Variants in CMC1 observed in about 807,000 individuals in gnomAD.
CMC1 encodes C-X9-C motif containing 1.
In CMC1, 14 loss-of-function variants were observed where a neutral mutation model predicts 14.1. That is an observed-to-expected ratio of 0.99 (90% CI 0.66 to 1.55). The LOEUF (loss-of-function observed/expected upper bound fraction) is 1.55. Among genes scored for constraint, CMC1 ranks in the 40% most tolerant of loss-of-function variants. The pLI is 0.00. For missense variants in CMC1, 127 were observed against 123.8 expected (o/e 1.03, Z -0.12); for synonymous variants, 50 against 38.4 (o/e 1.30, Z -1.12).
At chr3:28,260,338 CCTT>C (rs1699670263) in intron 1 of CMC1, among the ~76,000 whole-genome samples, 1 of 151,668 alleles carries the variant, frequency 6.6e-6, no homozygotes, top group Non-Finnish European at 1.5e-5. Context: ...GGTATCTGTG[CCTT>C]CTTGAGTGAG....
chr3:28,244,302 A>G (rs1698692206), intron 1 of CMC1, among the ~76,000 whole-genome samples: 1 of 152,232 alleles, frequency 6.6e-6, no homozygotes, highest in African/African-American at 2.4e-5. Flanking sequence ...GTTAAGGGAT[A>G]GGAGCAGTAG....
chr3:28,256,694 A>T (rs1559402937), intron 1 of CMC1, among the ~76,000 whole-genome samples: 1 of 152,236 alleles, frequency 6.6e-6, no homozygotes, highest in Non-Finnish European at 1.5e-5. Flanking sequence ...CAATGCAAAG[A>T]TAAGGGAGGA....
rs908523977 is a variant in CMC1, at chr3:28,323,149, T to G, written c.*3520T>G. 6.6e-6 allele frequency: 1 copy of G among 150,894 alleles called. No homozygotes were observed. Among genetic ancestry groups the G allele is most frequent in the Non-Finnish European group, 1.5e-5 (1 of 67,292 alleles). The allele number at this position is 150,894 out of a possible 1,614,324, so 9.3% of individuals were successfully genotyped here. On this transcript the variant is annotated 3_prime_UTR_variant, in exon 4 of 4. Transcript: ENST00000466830. ...ACATTTCAACACAAAGTCTAACAATTTAGAAGCTGCTCTACACAATGTGCA... is the reference window on the plus strand; with the variant it reads ...ACATTTCAACACAAAGTCTAACAATGTAGAAGCTGCTCTACACAATGTGCA...
At chr3:28,283,240 G>A (rs1041389603) in intron 2 of CMC1, among the ~76,000 whole-genome samples, 30 of 152,112 alleles carry the variant, frequency 2.0e-4, no homozygotes, top group Admixed American at 1.5e-3. Context: ...TTGGCCAGGT[G>A]TGGTGGCTCA....
At chr3:28,292,506 A>C (rs1025001201) in intron 2 of CMC1, among the ~76,000 whole-genome samples, 1 of 152,142 alleles carries the variant, frequency 6.6e-6, no homozygotes, top group African/African-American at 2.4e-5. Context: ...CTTATGATCA[A>C]GCCTAAGCTC....
At chr3:28,310,730 AAT>A (rs1702594674) in intron 2 of CMC1, among the ~76,000 whole-genome samples, 1 of 152,232 alleles carries the variant, frequency 6.6e-6, no homozygotes, top group Non-Finnish European at 1.5e-5. Context: ...CCACTGTTTC[AAT>A]ATATGTCTTG....
intron 2 of CMC1, among the ~76,000 whole-genome samples, chr3:28,312,210 A>G (rs180717729): frequency 3.0e-4 from 46 of 152,316 alleles, no homozygotes; most frequent in Admixed American, 2.6e-3. Flanking sequence ...GAAAATAGGC[A>G]TTTTTTGATG....
At chr3:28,257,196 T>C (rs1699457933) in intron 1 of CMC1, among the ~76,000 whole-genome samples, 1 of 152,230 alleles carries the variant, frequency 6.6e-6, no homozygotes, top group South Asian at 2.1e-4. Context: ...AATTTACAGA[T>C]CTTAAATGAG....
chr3:28,246,607 A>G lies in CMC1; in HGVS notation c.19+4795A>G, dbSNP rs536559262. On this transcript the variant is annotated intron_variant, in intron 1 of 3. Transcript: ENST00000466830. ...CATACATGATGTGTCTTTCCAGAGT[A>G]TCCCATCTGGAGGTACATGGGTATC... is the stretch of plus-strand genomic sequence containing the variant. Among the ~76,000 whole-genome samples the G allele has an allele frequency of 4.6e-5, 7 of 152,248 alleles. No individual in the cohort carries two copies. In the South Asian group the frequency reaches 1.5e-3, roughly 32 times the overall value.
At chr3:28,294,182 CTG>C (rs1335708560) in intron 2 of CMC1, among the ~76,000 whole-genome samples, 6 of 151,996 alleles carry the variant, frequency 3.9e-5, no homozygotes, top group African/African-American at 1.4e-4. Flanking sequence ...TGATACATAA[CTG>C]TGGAGCAATA....
At chr3:28,253,609 C>A in intron 1 of CMC1, 95 of 381,754 alleles carry the variant, frequency 2.5e-4, no homozygotes, top group South Asian at 6.3e-4. Context: ...CCAAAAAACC[C>A]CCCAAAAAAC....
intron 1 of CMC1, among the ~76,000 whole-genome samples, chr3:28,262,870 A>T (rs1280894387): frequency 6.6e-6 from 1 of 151,868 alleles, no homozygotes; most frequent in Non-Finnish European, 1.5e-5. Context: ...TTTTTAGGCT[A>T]CTCTTACTAC....
chr3:28,294,566 A>G, intron 2 of CMC1: 1 of 479,118 alleles, frequency 2.1e-6, no homozygotes, highest in Non-Finnish European at 2.7e-6. Context: ...CTTATATTAC[A>G]TAAAAATAAA....
intron 2 of CMC1, among the ~76,000 whole-genome samples, chr3:28,309,821 CCACACACACACACACA>C (rs57499697): frequency 0.011 from 1,452 of 131,868 alleles, 20 homozygotes; most frequent in African/African-American, 0.041. Flanking sequence ...CTGATATTTA[CCACACACACACACACA>C]CACACACACA....
chr3:28,274,198 A>G (rs1700439394), intron 2 of CMC1, among the ~76,000 whole-genome samples: 1 of 118,540 alleles, frequency 8.4e-6, no homozygotes, highest in South Asian at 3.4e-4. Flanking sequence ...TGGTCTTTGT[A>G]CTAAAGTGTT....
intron 1 of CMC1, among the ~76,000 whole-genome samples, chr3:28,253,556 G>C (rs996416480): frequency 6.6e-6 from 1 of 152,000 alleles, no homozygotes; most frequent in Non-Finnish European, 1.5e-5. Context: ...GCCCTATCCT[G>C]GGTGACAGAA....
At chr3:28,243,918 A>G (rs1698670060) in intron 1 of CMC1, among the ~76,000 whole-genome samples, 1 of 152,252 alleles carries the variant, frequency 6.6e-6, no homozygotes, top group Non-Finnish European at 1.5e-5. Flanking sequence ...GAGATTAGTC[A>G]GTGAAGAGCT....
intron 2 of CMC1, chr3:28,292,594 T>A (rs1027081252): frequency 6.6e-6 from 1 of 152,212 alleles, no homozygotes; most frequent in African/African-American, 2.4e-5. Flanking sequence ...TGAATTTTCT[T>A]TTCTGGATAA....
At chr3:28,260,358 T>C (rs868531370) in intron 1 of CMC1, among the ~76,000 whole-genome samples, 2 of 152,224 alleles carry the variant, frequency 1.3e-5, no homozygotes, top group African/African-American at 4.8e-5. Flanking sequence ...TGAGCTTTGG[T>C]TGGTTTGTAG....
Sources: gnomAD v4.1 joint callset for allele counts (sites outside exome capture counted in the v4.1 genomes callset) on GRCh38, gnomAD v4.1.1 for gene constraint, MANE v1.5 for transcripts, NCBI Gene and HGNC (gene_info 2026-07-23, HGNC 2026-07-21) for gene names.